Variants in SSH2 observed in about 807,000 individuals in gnomAD.
SSH2 encodes the protein protein phosphatase Slingshot homolog 2.
In SSH2, 37 loss-of-function variants were observed where a neutral mutation model predicts 135.2. That is an observed-to-expected ratio of 0.27 (90% CI 0.21 to 0.36). The LOEUF is 0.36. SSH2 is among the 10% of genes least tolerant of loss of function. The pLI is 1.00. For missense variants in SSH2, 1,408 were observed against 1,765.3 expected, an observed-to-expected ratio of 0.80 and a Z score of 3.63; for synonymous variants, 628 against 646.2, an observed-to-expected ratio of 0.97 and a Z score of 0.43.
chr17:29,859,055 G>GA (rs1410130153), intron 1 of SSH2, among the ~76,000 whole-genome samples: 1 of 152,080 alleles, frequency 6.6e-6, no homozygotes, highest in Non-Finnish European at 1.5e-5. Context: ...AAAACTATGA[G>GA]AAAATAAATA....
chr17:29,918,830 G>A (rs2066925704), intron 1 of SSH2, among the ~76,000 whole-genome samples: 2 of 151,986 alleles, frequency 1.3e-5, no homozygotes, highest in South Asian at 2.1e-4. Flanking sequence ...CCAGCTACTC[G>A]GGAGGCTGAG....
chr17:29,800,875 T>G (rs1305427027), intron 2 of SSH2, among the ~76,000 whole-genome samples: 3 of 143,348 alleles, frequency 2.1e-5, no homozygotes, highest in Non-Finnish European at 4.5e-5. Flanking sequence ...TTTTTTTTTC[T>G]TTTTTTTTGA....
In SSH2 at chr17:29,860,252, A is replaced by G. The variant is rs149911624; in HGVS notation, c.64-11323T>C. Among the ~76,000 whole-genome samples, 8 of 152,206 alleles carry G rather than the reference A, an allele frequency of 5.3e-5. No homozygotes were observed. The East Asian group carries it at 1.5e-3, about 29-fold the overall frequency. ...TGTATAAGCATTCCATTTTCTCCAC[A>G]ATCTCCTCAGCATTTGTTATTTTTT... On this transcript the variant is annotated intron_variant, in intron 1 of 15. Transcript: ENST00000540801.
At chr17:29,753,534 C>T (rs964899397) in intron 3 of SSH2, among the ~76,000 whole-genome samples, 1 of 151,620 alleles carries the variant, frequency 6.6e-6, no homozygotes, top group African/African-American at 2.4e-5. Context: ...CGGTGCCTCA[C>T]GTCTGTACTC....
chr17:29,667,080 T>C (rs2037308822), intron 10 of SSH2, 50 bp downstream of exon 10: 1 of 1,605,278 alleles, frequency 6.2e-7, no homozygotes, highest in Non-Finnish European at 8.5e-7. Flanking sequence ...CCACACCTAC[T>C]GTTATCCCAC....
intron 6 of SSH2, among the ~76,000 whole-genome samples, chr17:29,681,331 CAAAAAAAA>C (rs764461213): frequency 3.5e-4 from 5 of 14,338 alleles, no homozygotes; most frequent in Non-Finnish European, 4.9e-4. Flanking sequence ...GAGACTGTCT[CAAAAAAAA>C]AAAAAAAAAA....
chr17:29,877,748 T>G (rs1236996796), intron 1 of SSH2, among the ~76,000 whole-genome samples: 2 of 142,772 alleles, frequency 1.4e-5, no homozygotes, highest in Non-Finnish European at 1.5e-5. Context: ...GAAGGGGAGG[T>G]AGGGATGGTT....
At chr17:29,671,840 C>A in intron 9 of SSH2, 95 bp downstream of exon 9, 1 of 1,068,564 alleles carries the variant, frequency 9.4e-7, no homozygotes, top group Non-Finnish European at 1.4e-6. Flanking sequence ...GTAAGATTAA[C>A]TCCCCAAGAG....
At chr17:29,644,180 C>T (rs1316454665) in intron 14 of SSH2, among the ~76,000 whole-genome samples, 6 of 152,164 alleles carry the variant, frequency 3.9e-5, no homozygotes, top group East Asian at 1.9e-4. Context: ...TTTGCTGCTG[C>T]GGAGGCAGCA....
At chr17:29,759,884 T>C (rs564267986) in intron 3 of SSH2, among the ~76,000 whole-genome samples, 1 of 152,366 alleles carries the variant, frequency 6.6e-6, no homozygotes, top group East Asian at 1.9e-4. Context: ...ATTTTCATAC[T>C]GGTTATCAGT....
At chr17:29,675,566 G>C (rs2037671454) in intron 8 of SSH2, among the ~76,000 whole-genome samples, 2 of 152,126 alleles carry the variant, frequency 1.3e-5, no homozygotes, top group Admixed American at 1.3e-4. Flanking sequence ...GGCCAAGGCA[G>C]GAGGACGGCT....
Position 29,650,782 on chromosome 17 carries a change from A to G in SSH2, c.1098T>C (p.Asn366=). 6.2e-7 allele frequency: 1 copy of G among 1,613,322 alleles called. No individual in the cohort carries two copies. Among genetic ancestry groups the G allele is most frequent in the East Asian group, 2.2e-5 (1 of 44,822 alleles). ...LQNRGVRYIL[N]VTREIDNFFP... ...AGAAGTTATCTATCTCTCGAGTGAC[A>G]TTCAAGATATACCGTACCCTGCAAG... The change falls in exon 13 of 16, where the codon AAT becomes AAC. Residue 366 remains asparagine (N), a synonymous_variant. Transcript: ENST00000540801.
At chr17:29,837,695 A>G (rs9909409) in intron 2 of SSH2, among the ~76,000 whole-genome samples, 21,500 of 152,228 alleles carry the variant, frequency 0.14, 3,924 homozygotes, top group African/African-American at 0.43. Context: ...CCAGCCAAAG[A>G]CACAGCCAAG....
chr17:29,797,583 T>C (rs368705164), intron 2 of SSH2, among the ~76,000 whole-genome samples: 2 of 152,134 alleles, frequency 1.3e-5, no homozygotes, highest in Admixed American at 1.3e-4. Context: ...TTTGGGATAT[T>C]TGAGTTTTTG....
intron 2 of SSH2, among the ~76,000 whole-genome samples, chr17:29,805,137 AATTATTATTATTAAT>A (rs931375124): frequency 4.7e-5 from 7 of 150,012 alleles, no homozygotes; most frequent in Non-Finnish European, 7.4e-5. Flanking sequence ...CATGCCTATA[AATTATTATTATTAAT>A]ATTATTATTA....
At chr17:29,862,147 C>T (rs1339033502) in intron 1 of SSH2, among the ~76,000 whole-genome samples, 1 of 152,190 alleles carries the variant, frequency 6.6e-6, no homozygotes, top group Non-Finnish European at 1.5e-5. Context: ...ATTAGGGATA[C>T]AATCTGTGGT....
chr17:29,863,841 G>A (rs1289600288), intron 1 of SSH2: 1 of 152,178 alleles, frequency 6.6e-6, no homozygotes, highest in Non-Finnish European at 1.5e-5. Flanking sequence ...GCACAGGGGT[G>A]TAATTGTTGG....
intron 1 of SSH2, among the ~76,000 whole-genome samples, chr17:29,857,065 C>A (rs1419820970): frequency 1.3e-5 from 2 of 152,108 alleles, no homozygotes; most frequent in Non-Finnish European, 2.9e-5. Flanking sequence ...CATTTCAAAA[C>A]CAATCATGCC....
Position 29,629,773 on chromosome 17 carries a change from A to C in SSH2, c.*1068T>G, listed in dbSNP as rs1426522735. On this transcript the variant is annotated 3_prime_UTR_variant, in exon 16 of 16. Transcript: ENST00000540801. ...ACGTTGCATTCAATGGATGTTAAAC[A>C]TATGTAACAATTCAAATATAATCTA... 2.0e-5 allele frequency: 3 copies of C among 152,594 alleles called. No individual in the cohort carries two copies. The highest frequency in any genetic ancestry group is 4.4e-5 in the Non-Finnish European group (3 of 68,044). The allele number at this position is 152,594 out of a possible 1,614,324, so 9.5% of individuals were successfully genotyped here. A position where few individuals can be genotyped will look rare whatever the true frequency, so the allele number is the denominator to read the frequency against.
Sources: gnomAD v4.1 joint callset for allele counts (sites outside exome capture counted in the v4.1 genomes callset) on GRCh38, gnomAD v4.1.1 for gene constraint, MANE v1.5 for transcripts, NCBI Gene and HGNC (gene_info 2026-07-23, HGNC 2026-07-21) for gene names.